Variants in AQP10 observed in about 807,000 individuals in gnomAD.
AQP10 encodes aquaporin 10.
Under a neutral mutation model 21.0 loss-of-function variants are expected in AQP10, and 15 were observed. That is an observed-to-expected ratio of 0.71 (90% CI 0.48 to 1.10). AQP10 has a LOEUF of 1.10. Among genes scored for constraint, AQP10 ranks in the 50% least tolerant of loss-of-function variants. The pLI is 0.00. For synonymous variants in AQP10, 143 were observed against 155.7 expected, an observed-to-expected ratio of 0.92 and a Z score of 0.61; for missense variants, 268 against 379.5, an observed-to-expected ratio of 0.71 and a Z score of 2.44.
At chr1:154,322,490 T>TTCTTCTTCTTC (rs1553294328) in intron 2 of AQP10, among the ~76,000 whole-genome samples, 42 of 33,344 alleles carry the variant, frequency 1.3e-3, no homozygotes, top group Middle Eastern at 0.056. Flanking sequence ...TGTCTTCTTC[T>TTCTTCTTCTTC]TTTTTTTTTT....
At chr1:154,322,687 C>T (rs112273921) in intron 2 of AQP10, among the ~76,000 whole-genome samples, 1,532 of 151,948 alleles carry the variant, frequency 0.01, 17 homozygotes, top group African/African-American at 0.031. Flanking sequence ...TTAGTGGAAA[C>T]GGGGTTTCAC....
In AQP10 at chr1:154,323,854, C is replaced by T. The variant is rs774878840; in HGVS notation, c.707+48C>T. The T allele has an allele frequency of 1.0e-5, 16 of 1,597,518 alleles. No homozygotes were observed. Among genetic ancestry groups the T allele is most frequent in the Admixed American group, 1.8e-5 (1 of 56,830 alleles). On this transcript the variant is annotated intron_variant, in intron 5 of 5. Coordinates refer to ENST00000324978, the MANE Select transcript of AQP10 (RefSeq NM_080429.3). This position sits in a 1 kb window ranked among gnomAD's most constrained non-coding sequence, Gnocchi z 4.5. The stretch of plus-strand genomic sequence containing the variant: ...GCTGGCCTCCACTCACCTTCCTCTG[C>T]TAAGGGCTCTGTCCCTGGGTCCACA...
intron 1 of AQP10, among the ~76,000 whole-genome samples, chr1:154,321,603 A>AG (rs1685642153): frequency 6.6e-6 from 1 of 152,090 alleles, no homozygotes; most frequent in Non-Finnish European, 1.5e-5. Flanking sequence ...AAGAATAATT[A>AG]TTTTTCACAT....
rs754254481 is a variant in AQP10 at position 154,323,225 on chromosome 1, T to C, written c.371-16T>C. ...TGAGCAAAGAGGGAAATCCTGGGTG[T>C]TCCCTTCCTCCACAGATGCCCTACA... is the stretch of plus-strand genomic sequence containing the variant. On this transcript the variant is annotated splice_polypyrimidine_tract_variant and intron_variant, in intron 3 of 5. Coordinates refer to ENST00000324978, the MANE Select transcript of AQP10 (RefSeq NM_080429.3). This position sits in a 1 kb window ranked among gnomAD's most constrained non-coding sequence, Gnocchi z 4.5. 3.1e-6 allele frequency: 5 copies of C among 1,613,764 alleles called. No individual in the cohort carries two copies. Among genetic ancestry groups the C allele is most frequent in the Admixed American group, 3.3e-5 (2 of 60,000 alleles).
Position 154,323,402 on chromosome 1 carries a change from T to C in AQP10, c.489+43T>C. The C allele has an allele frequency of 6.3e-7, 1 of 1,582,082 alleles. No individual in the cohort carries two copies. Among genetic ancestry groups the C allele is most frequent in the Non-Finnish European group, 8.7e-7 (1 of 1,153,080 alleles). The stretch of plus-strand genomic sequence containing the variant: ...ACCTGGGGACACTACTTTGGTCCTG[T>C]TCCTCGGCACCCCAGCCTATTGTTC... On this transcript the variant is annotated intron_variant, in intron 4 of 5. Transcript: ENST00000324978. This position sits in a 1 kb window ranked among gnomAD's most constrained non-coding sequence, Gnocchi z 4.5.
chr1:154,321,205 G>A lies in AQP10; in HGVS notation c.50G>A (p.Arg17His), dbSNP rs538916652. 18 of 1,613,634 alleles carry A rather than the reference G, an allele frequency of 1.1e-5. No individual in the cohort carries two copies. In the East Asian group the frequency reaches 1.6e-4, roughly 14 times the overall value. The change falls in exon 1 of 6, where the codon CGC (arginine) becomes CAC (histidine). Residue 17 changes from arginine (R) to histidine (H), a missense_variant. Transcript: ENST00000324978. ...PAEIMGHLRI[R>H]SLLARQCLAE... ...GAAATCATGGGCCACCTCCGGATAC[G>A]CAGCCTCCTGGCCCGGCAGTGCCTG...
chr1:154,323,485 G>A lies in AQP10; in HGVS notation c.490-104G>A. Reference sequence around the variant, plus strand: ...TTGGCACTCCCCACCATCCCCAACTGCCTGTGTTGCACAAAGCCAGATGAC... The same window carrying A: ...TTGGCACTCCCCACCATCCCCAACTACCTGTGTTGCACAAAGCCAGATGAC... On this transcript the variant is annotated intron_variant, in intron 4 of 5. Transcript: ENST00000324978. This position sits in a 1 kb window ranked among gnomAD's most constrained non-coding sequence, Gnocchi z 4.5. The A allele has an allele frequency of 6.7e-7, 1 of 1,497,046 alleles. No individual in the cohort carries two copies. Among genetic ancestry groups the A allele is most frequent in the Non-Finnish European group, 9.2e-7 (1 of 1,091,398 alleles). The allele number at this position is 1,497,046 out of a possible 1,614,324, so 92.7% of individuals were successfully genotyped here.
rs1553294330 is a variant in AQP10, at chr1:154,322,491, T to TCTTCTTC, written c.232+432_232+433insCTTCTTC. ...CTTTGGATTCACAGTGTCTTCTTCTTTTTTTTTTTTTTTTTTCTTTTTTTT... is the reference window on the plus strand; with the variant it reads ...CTTTGGATTCACAGTGTCTTCTTCTTCTTCTTCTTTTTTTTTTTTTTTTCTTTTTTTT... On this transcript the variant is annotated intron_variant, in intron 2 of 5. Transcript: ENST00000324978. Among the ~76,000 whole-genome samples the TCTTCTTC allele has an allele frequency of 1.9e-3, 171 of 90,310 alleles. 2 individuals are homozygous for TCTTCTTC. Among genetic ancestry groups the TCTTCTTC allele is most frequent in the African/African-American group, 6.0e-3 (138 of 22,822 alleles). The allele number at this position is 90,310 out of a possible 152,430, so 59.2% of individuals were successfully genotyped here. A position where few individuals can be genotyped will look rare whatever the true frequency, so the allele number is the denominator to read the frequency against.
chr1:154,321,379 C>A, intron 1 of AQP10, 119 bp downstream of exon 1: 1 of 662,836 alleles, frequency 1.5e-6, no homozygotes, highest in Non-Finnish European at 2.4e-6. Flanking sequence ...TATCACTTTT[C>A]GTTTTTATCC....
Position 154,321,959 on chromosome 1 carries a change from G to C in AQP10, c.132G>C (p.Gln44His). 1.2e-6 allele frequency: 2 copies of C among 1,613,164 alleles called. No individual in the cohort carries two copies. Among genetic ancestry groups the C allele is most frequent in the Non-Finnish European group, 1.7e-6 (2 of 1,179,770 alleles). Reference protein sequence around the residue: ...LMLLTQGAVAQAVTSGETKGN... With the variant: ...LMLLTQGAVAHAVTSGETKGN... ...TCCTCACCCAAGGAGCTGTGGCCCA[G>C]GCTGTCACCAGTGGAGAAACCAAAG... The change falls in exon 2 of 6, where the codon CAG becomes CAC. Residue 44 changes from glutamine to histidine, a missense_variant. Physicochemically the swap from Gln to His is conservative, Grantham distance 24. This residue lies in a region of AQP10 where 6 missense variants were observed against 37.4 expected (regional missense o/e 0.16). Coordinates refer to ENST00000324978, the MANE Select transcript of AQP10 (RefSeq NM_080429.3).
At chr1:154,322,914 G>A in intron 2 of AQP10, 68 bp from the exon 3 acceptor site, 1 of 1,590,426 alleles carries the variant, frequency 6.3e-7, no homozygotes, top group South Asian at 1.1e-5. Context: ...GAGCAGTAGT[G>A]TTGTCTGGTG....
At chr1:154,324,010 C>T in intron 5 of AQP10, 1 of 1,435,292 alleles carries the variant, frequency 7.0e-7, no homozygotes, top group Non-Finnish European at 9.1e-7. Flanking sequence ...AGGTTGTGTT[C>T]TTAGGCATGC....
At chr1:154,324,203 T>A in intron 5 of AQP10, 79 bp from the exon 6 acceptor site, 1 of 1,368,652 alleles carries the variant, frequency 7.3e-7, no homozygotes, top group Non-Finnish European at 9.8e-7. Context: ...GGCACTCTCT[T>A]GTTACTGCCC....
chr1:154,322,948 A>C, intron 2 of AQP10, 34 bp from the exon 3 acceptor site: 1 of 1,613,740 alleles, frequency 6.2e-7, no homozygotes, highest in Non-Finnish European at 8.5e-7. Flanking sequence ...GTGACACTTA[A>C]TAGATGCTCT....
At chr1:154,324,008 T>A in intron 5 of AQP10, 1 of 1,438,010 alleles carries the variant, frequency 7.0e-7, no homozygotes, top group Non-Finnish European at 9.1e-7. Context: ...AGAGGTTGTG[T>A]TCTTAGGCAT....
chr1:154,324,651 T>C lies in AQP10; in HGVS notation c.*171T>C. On this transcript the variant is annotated 3_prime_UTR_variant, in exon 6 of 6. Coordinates refer to ENST00000324978, the MANE Select transcript of AQP10 (RefSeq NM_080429.3). ...AAGAAGGATCCTGGACAGGGAGAAG[T>C]GGAGGAGGATAAGGTACCAGGACTC... 1.5e-6 allele frequency: 1 copy of C among 662,230 alleles called. No individual in the cohort carries two copies. The highest frequency in any genetic ancestry group is 2.3e-5 in the South Asian group (1 of 43,480). 41.0% of individuals were successfully genotyped at this position (662,230 alleles called of 1,614,324 possible).
At chr1:154,321,839 C>A (rs955342312) in intron 1 of AQP10, 94 bp from the exon 2 acceptor site, 44 of 1,553,132 alleles carry the variant, frequency 2.8e-5, no homozygotes, top group Non-Finnish European at 3.8e-5. Flanking sequence ...CTTCTGTGCT[C>A]ATTCATCTCC....
In AQP10 at chr1:154,322,489, C is replaced by CTTCTTCTTCTTT. The variant is rs376265152; in HGVS notation, c.232+432_232+433insCTTCTTCTTTTT. ...AACTTTGGATTCACAGTGTCTTCTT[C>CTTCTTCTTCTTT]TTTTTTTTTTTTTTTTTTCTTTTTT... is the stretch of plus-strand genomic sequence containing the variant. On this transcript the variant is annotated intron_variant, in intron 2 of 5. Coordinates refer to ENST00000324978, the MANE Select transcript of AQP10 (RefSeq NM_080429.3). 2.0e-3 allele frequency among the ~76,000 whole-genome samples: 236 copies of CTTCTTCTTCTTT among 117,838 alleles called. 2 individuals carry two copies. The highest frequency in any genetic ancestry group is 0.016 in the South Asian group (55 of 3,416). The allele number at this position is 117,838 out of a possible 152,430, so 77.3% of individuals were successfully genotyped here.
rs1685637708 is a variant in AQP10 at position 154,321,331 on chromosome 1, A to C, written c.105+71A>C. On this transcript the variant is annotated intron_variant, in intron 1 of 5. Coordinates refer to ENST00000324978, the MANE Select transcript of AQP10 (RefSeq NM_080429.3). ...GTTCCTGGCTCCTTCTGTTGTCCTTATCTCTTTCTCTTGGTGTCCCCCTTC... is the reference window on the plus strand; with the variant it reads ...GTTCCTGGCTCCTTCTGTTGTCCTTCTCTCTTTCTCTTGGTGTCCCCCTTC... 3.9e-6 allele frequency: 5 copies of C among 1,276,114 alleles called. No individual in the cohort carries two copies. In the South Asian group the frequency reaches 5.3e-5, roughly 14 times the overall value. The allele number at this position is 1,276,114 out of a possible 1,614,324, so 79.0% of individuals were successfully genotyped here.
Sources: gnomAD v4.1 joint callset for allele counts (sites outside exome capture counted in the v4.1 genomes callset) on GRCh38, gnomAD v4.1.1 for gene constraint, gnomAD v4.1.1 regional missense constraint, Gnocchi (gnomAD v3.1) non-coding constraint, MANE v1.5 for transcripts, NCBI Gene and HGNC (gene_info 2026-07-23, HGNC 2026-07-21) for gene names.